UNC5D: variants seen among roughly 807,000 people sequenced by gnomAD.
UNC5D encodes unc-5 netrin receptor D, also known as netrin receptor UNC5D.
A neutral mutation model predicts 105.4 loss-of-function variants in UNC5D; 39 were observed. That is an observed-to-expected ratio of 0.37 (90% CI 0.29 to 0.48). UNC5D has a LOEUF of 0.48. UNC5D is among the 20% of genes least tolerant of loss of function. The pLI is 0.98. For missense variants in UNC5D, 991 were observed against 1,202.4 expected, an observed-to-expected ratio of 0.82 and a Z score of 2.60; for synonymous variants, 452 against 450.4, an observed-to-expected ratio of 1.00 and a Z score of -0.04.
At position 35,719,245 on chromosome 8, in the gene UNC5D, G is replaced by A. The variant is rs184235186; in HGVS notation, c.1118-2965G>A. ...AAAAAATCTAGAACTAAACCTTGGG[G>A]CCAGTACTGAACACATGAAAGAGAA... On this transcript the variant is annotated intron_variant, in intron 8 of 16. Transcript: ENST00000404895. 3.3e-5 allele frequency among the ~76,000 whole-genome samples: 5 copies of A among 151,694 alleles called. No individual in the cohort carries two copies. In the East Asian group the frequency reaches 9.7e-4, roughly 30 times the overall value.
chr8:35,365,042 A>G (rs1486606973), intron 1 of UNC5D, among the ~76,000 whole-genome samples: 2 of 152,124 alleles, frequency 1.3e-5, no homozygotes, highest in Non-Finnish European at 2.9e-5. Flanking sequence ...ACTTGTTTGT[A>G]GTGGTATGTC....
intron 1 of UNC5D, among the ~76,000 whole-genome samples, chr8:35,310,928 C>T (rs532550797): frequency 1.1e-4 from 16 of 152,248 alleles, no homozygotes; most frequent in Admixed American, 7.8e-4. Flanking sequence ...AAAAGTAAGA[C>T]ATAGTTAGCT....
At chr8:35,564,266 C>T (rs1586142203) in intron 2 of UNC5D, among the ~76,000 whole-genome samples, 1 of 152,116 alleles carries the variant, frequency 6.6e-6, no homozygotes, top group East Asian at 1.9e-4. Context: ...GGGTAAAATG[C>T]TTAAACACAT....
chr8:35,366,592 A>C (rs1802138378), intron 1 of UNC5D, among the ~76,000 whole-genome samples: 1 of 152,096 alleles, frequency 6.6e-6, no homozygotes, highest in African/African-American at 2.4e-5. Flanking sequence ...TGCAAAGGCT[A>C]TATGTATCAT....
chr8:35,675,675 A>G (rs1302547249), intron 4 of UNC5D, among the ~76,000 whole-genome samples: 1 of 152,056 alleles, frequency 6.6e-6, no homozygotes, highest in African/African-American at 2.4e-5. Context: ...GGTCCAGTCT[A>G]GAATTCAAAG....
In UNC5D at chr8:35,593,420, A is replaced by C. The variant is rs116533897; in HGVS notation, c.467-2134A>C. 6.3e-3 allele frequency among the ~76,000 whole-genome samples: 963 copies of C among 152,276 alleles called. 4 individuals are homozygous for C. The highest frequency in any genetic ancestry group is 0.022 in the African/African-American group (926 of 41,568). ...CACTGAACAAAACTTCCTTCAGAAA[A>C]CAAAGCAATGAAGGAAAAGGAAAAC... On this transcript the variant is annotated intron_variant, in intron 3 of 16. Transcript: ENST00000404895.
chr8:35,338,961 A>T (rs1484009533), intron 1 of UNC5D, among the ~76,000 whole-genome samples: 1 of 152,166 alleles, frequency 6.6e-6, no homozygotes, highest in Admixed American at 6.5e-5. Context: ...CATTTAGGGC[A>T]TTGTAGTGAA....
chr8:35,248,254 T>TATATGTTATATAAAATATATAATATATAA (rs1803327545), intron 1 of UNC5D, among the ~76,000 whole-genome samples: 1 of 107,504 alleles, frequency 9.3e-6, no homozygotes, highest in African/African-American at 4.0e-5. Context: ...AATATATAAA[T>TATATGTTATATAAAATATATAATATATAA]ATATGTTATA....
chr8:35,303,005 G>A (rs1252377476), intron 1 of UNC5D, among the ~76,000 whole-genome samples: 3 of 151,964 alleles, frequency 2.0e-5, no homozygotes, highest in Non-Finnish European at 4.4e-5. Flanking sequence ...ATAAAAAAGA[G>A]AAAAAGAAAC....
chr8:35,281,697 T>G (rs1230582020), intron 1 of UNC5D, among the ~76,000 whole-genome samples: 1 of 152,200 alleles, frequency 6.6e-6, no homozygotes, highest in East Asian at 1.9e-4. Flanking sequence ...TGTTCTCCTG[T>G]GAGCATGCCT....
chr8:35,567,221 T>C (rs1817412658), intron 2 of UNC5D, among the ~76,000 whole-genome samples: 1 of 152,158 alleles, frequency 6.6e-6, no homozygotes, highest in Non-Finnish European at 1.5e-5. Flanking sequence ...GGTTCTCTTC[T>C]CAGGGCTTTA....
chr8:35,574,184 T>G (rs1414140104), intron 3 of UNC5D, among the ~76,000 whole-genome samples: 1 of 152,168 alleles, frequency 6.6e-6, no homozygotes, highest in Non-Finnish European at 1.5e-5. Flanking sequence ...CTTCTTCATC[T>G]GCTTATAAAA....
chr8:35,507,049 CTTTTTTTTT>C (rs71215631), intron 1 of UNC5D, among the ~76,000 whole-genome samples: 1 of 76,192 alleles, frequency 1.3e-5, no homozygotes, highest in Non-Finnish European at 2.4e-5. Flanking sequence ...CAGGGCTTTT[CTTTTTTTTT>C]TTTTTTTTTT....
At chr8:35,240,915 T>G (rs1433997558) in intron 1 of UNC5D, among the ~76,000 whole-genome samples, 1 of 152,192 alleles carries the variant, frequency 6.6e-6, no homozygotes, top group Non-Finnish European at 1.5e-5. Flanking sequence ...AAATTCTGAG[T>G]GCCAGTTTCC....
chr8:35,759,608 C>T, intron 14 of UNC5D, 139 bp downstream of exon 14: 1 of 979,762 alleles, frequency 1.0e-6, no homozygotes, highest in South Asian at 1.6e-5. Context: ...AGAAATGTAA[C>T]AGTTTGGACT....
chr8:35,474,711 G>A (rs964318214), intron 1 of UNC5D, among the ~76,000 whole-genome samples: 2 of 152,172 alleles, frequency 1.3e-5, no homozygotes, highest in African/African-American at 4.8e-5. Flanking sequence ...GGTCCCCCTT[G>A]ACCTGCTTAG....
At chr8:35,724,360 T>C in intron 9 of UNC5D, 1 of 1,505,312 alleles carries the variant, frequency 6.6e-7, no homozygotes, top group African/African-American at 1.4e-5. Flanking sequence ...GGTTTTCACC[T>C]CCACTGTCTT....
chr8:35,441,550 T>G (rs1394566039), intron 1 of UNC5D, among the ~76,000 whole-genome samples: 2 of 151,876 alleles, frequency 1.3e-5, no homozygotes, highest in Non-Finnish European at 2.9e-5. Context: ...GGTGGTGCCT[T>G]GAATTGTGAA....
chr8:35,250,193 G>T (rs1803598194), intron 1 of UNC5D, among the ~76,000 whole-genome samples: 1 of 152,122 alleles, frequency 6.6e-6, no homozygotes, highest in African/African-American at 2.4e-5. Flanking sequence ...TTCTCAGTCA[G>T]CTGATGCCAA....
Sources: allele counts gnomAD v4.1 joint callset (sites outside exome capture counted in the v4.1 genomes callset), GRCh38; gene constraint gnomAD v4.1.1; transcripts MANE v1.5; gene names NCBI Gene and HGNC (gene_info 2026-07-23, HGNC 2026-07-21).